Variants in ADAM32 observed in about 807,000 individuals in gnomAD.
ADAM32 encodes disintegrin and metalloproteinase domain-containing protein 32.
Under a neutral mutation model 114.9 loss-of-function variants are expected in ADAM32, and 89 were observed. That is an observed-to-expected ratio of 0.77 (90% CI 0.65 to 0.92). The LOEUF (loss-of-function observed/expected upper bound fraction) is 0.92, where lower values mean the gene tolerates loss of function less well. Ranked by LOEUF, ADAM32 falls within the 40% of genes least tolerant of loss-of-function variation. The pLI is 0.00. For synonymous variants in ADAM32, 285 were observed against 307.5 expected (o/e 0.93, Z 0.77); for missense variants, 870 against 932.8 (o/e 0.93, Z 0.88).
intron 10 of ADAM32, among the ~76,000 whole-genome samples, chr8:39,176,537 T>C (rs1361193805): frequency 6.6e-6 from 1 of 152,218 alleles, no homozygotes. Flanking sequence ...TTGATTGTGC[T>C]GTGGTTTGAG....
intron 6 of ADAM32, among the ~76,000 whole-genome samples, chr8:39,160,434 G>A (rs924868069): frequency 6.6e-6 from 1 of 150,972 alleles, no homozygotes; most frequent in Non-Finnish European, 1.5e-5. Context: ...CAGCTACTCC[G>A]GAGGCTGATG....
chr8:39,157,569 T>C, intron 6 of ADAM32: 1 of 529,392 alleles, frequency 1.9e-6, no homozygotes, highest in Admixed American at 2.2e-5. Context: ...AATCTGGTCT[T>C]TCTTGAGTGG....
At chr8:39,181,439 C>T (rs191292323) in intron 10 of ADAM32, among the ~76,000 whole-genome samples, 305 of 152,302 alleles carry the variant, frequency 2.0e-3, no homozygotes, top group Non-Finnish European at 3.3e-3. Flanking sequence ...GAACAAACTC[C>T]AGACACGCCA....
intron 10 of ADAM32, among the ~76,000 whole-genome samples, chr8:39,174,279 G>T (rs1340096814): frequency 1.3e-5 from 2 of 152,172 alleles, no homozygotes; most frequent in African/African-American, 2.4e-5. Flanking sequence ...TTGTAGGTGT[G>T]TGGTCTTATT....
intron 16 of ADAM32, among the ~76,000 whole-genome samples, chr8:39,241,280 G>A (rs990183910): frequency 6.6e-6 from 1 of 152,236 alleles, no homozygotes; most frequent in African/African-American, 2.4e-5. Context: ...CTGAATGTCT[G>A]CAGCTTTTCC....
At chr8:39,217,383 A>ACTT (rs1808651150) in intron 12 of ADAM32, among the ~76,000 whole-genome samples, 2 of 151,942 alleles carry the variant, frequency 1.3e-5, no homozygotes, top group African/African-American at 2.4e-5. Flanking sequence ...ACCTTCTTGT[A>ACTT]CTTGGATATT....
At chr8:39,231,341 C>CA (rs1299057336) in intron 14 of ADAM32, among the ~76,000 whole-genome samples, 1 of 149,048 alleles carries the variant, frequency 6.7e-6, no homozygotes, top group Admixed American at 6.8e-5. Flanking sequence ...GCTACAACTG[C>CA]AAAAAACTGA....
At chr8:39,259,345 G>A (rs565013518) in intron 19 of ADAM32, among the ~76,000 whole-genome samples, 3 of 151,876 alleles carry the variant, frequency 2.0e-5, no homozygotes, top group Admixed American at 1.3e-4. Flanking sequence ...TATTACAGGC[G>A]TGCACCACCA....
intron 21 of ADAM32, 31 bp downstream of exon 21, chr8:39,274,381 C>T: frequency 6.3e-7 from 1 of 1,596,068 alleles, no homozygotes; most frequent in Non-Finnish European, 8.6e-7. Flanking sequence ...TTTTAAGATA[C>T]ATGTTGAAAA....
chr8:39,236,603 C>G (rs188927097), intron 16 of ADAM32, among the ~76,000 whole-genome samples: 2 of 152,308 alleles, frequency 1.3e-5, no homozygotes, highest in East Asian at 3.9e-4. Flanking sequence ...ACCTGTACCA[C>G]TGTGCATAAC....
In ADAM32 at chr8:39,151,688, T is replaced by TC. The variant is rs1442303767; in HGVS notation, c.525+140_525+141insC. 1,157 of 685,800 alleles carry TC rather than the reference T, an allele frequency of 1.7e-3. 3 individuals carry two copies. Among genetic ancestry groups the TC allele is most frequent in the Middle Eastern group, 5.3e-3 (12 of 2,280 alleles). The allele number at this position is 685,800 out of a possible 1,614,324, so 42.5% of individuals were successfully genotyped here. On this transcript the variant is annotated intron_variant, in intron 6 of 24. Transcript: ENST00000379907. ...TGAACATCTTATCTTTTTTTTTTTTTTTTCTCACTCTCTCACTCAGGTTGG... is the reference window on the plus strand; with the variant it reads ...TGAACATCTTATCTTTTTTTTTTTTTCTTTCTCACTCTCTCACTCAGGTTGG...
rs1840454601 is a variant in ADAM32, at chr8:39,118,172, G to T, written c.138+7G>T. The T allele has an allele frequency of 7.2e-7, 1 of 1,382,850 alleles. No individual in the cohort carries two copies. Among genetic ancestry groups the T allele is most frequent in the East Asian group, 2.8e-5 (1 of 35,430 alleles). The allele number at this position is 1,382,850 out of a possible 1,614,324, so 85.7% of individuals were successfully genotyped here. Reference sequence around the variant, plus strand: ...CAGTTCAGAAATAGAATATGTAAGAGATATTTTTTCACAATCTAAATGTTT... The same window carrying T: ...CAGTTCAGAAATAGAATATGTAAGATATATTTTTTCACAATCTAAATGTTT... On this transcript the variant is annotated splice_region_variant and intron_variant, in intron 2 of 24. Transcript: ENST00000379907.
chr8:39,133,119 T>G (rs1292995403), intron 2 of ADAM32, among the ~76,000 whole-genome samples: 1 of 152,172 alleles, frequency 6.6e-6, no homozygotes, highest in Non-Finnish European at 1.5e-5. Flanking sequence ...GACCTCAGTG[T>G]TGGAAGTGGG....
chr8:39,111,058 T>C (rs954820944), intron 1 of ADAM32, among the ~76,000 whole-genome samples: 7 of 152,262 alleles, frequency 4.6e-5, no homozygotes, highest in African/African-American at 1.4e-4. Context: ...GTCTCTGTTG[T>C]AGAATGCATT....
At chr8:39,175,605 C>T (rs746567320) in intron 10 of ADAM32, among the ~76,000 whole-genome samples, 12 of 152,058 alleles carry the variant, frequency 7.9e-5, no homozygotes, top group South Asian at 6.2e-4. Flanking sequence ...ATTTTTGCAT[C>T]GATGTTCATC....
intron 15 of ADAM32, among the ~76,000 whole-genome samples, chr8:39,232,456 A>G (rs7816599): frequency 0.038 from 5,829 of 152,240 alleles, 390 homozygotes; most frequent in African/African-American, 0.13. Flanking sequence ...AAGACTGCTC[A>G]GTGTCTATAA....
intron 7 of ADAM32, among the ~76,000 whole-genome samples, chr8:39,162,152 C>A (rs1804549855): frequency 9.6e-6 from 1 of 103,646 alleles, no homozygotes; most frequent in Non-Finnish European, 1.8e-5. Context: ...TAATGCTATC[C>A]CTCCCCCCTC....
chr8:39,190,696 A>T (rs942079333), intron 11 of ADAM32, among the ~76,000 whole-genome samples: 2 of 152,320 alleles, frequency 1.3e-5, no homozygotes, highest in East Asian at 3.9e-4. Context: ...GGCAATTTGT[A>T]TGTCTTCCTT....
intron 23 of ADAM32, among the ~76,000 whole-genome samples, chr8:39,282,608 C>G (rs1227545539): frequency 6.6e-6 from 1 of 152,176 alleles, no homozygotes; most frequent in Non-Finnish European, 1.5e-5. Flanking sequence ...GTAAGCTAAG[C>G]AGACATAGTT....
Sources: allele counts gnomAD v4.1 joint callset (sites outside exome capture counted in the v4.1 genomes callset), GRCh38; gene constraint gnomAD v4.1.1; transcripts MANE v1.5; gene names NCBI Gene and HGNC (gene_info 2026-07-23, HGNC 2026-07-21).